COL9A3: variants seen among roughly 807,000 people sequenced by gnomAD.
COL9A3 encodes collagen alpha-3(IX) chain.
In COL9A3, 82 loss-of-function variants were observed where a neutral mutation model predicts 110.2. The ratio of observed to expected loss-of-function variants is 0.74; its 90% CI spans 0.62 to 0.89. The LOEUF (loss-of-function observed/expected upper bound fraction) is 0.89, where lower values mean the gene tolerates loss of function less well. Among genes scored for constraint, COL9A3 ranks in the 40% least tolerant of loss-of-function variants. The pLI is 0.00. For synonymous variants in COL9A3, 494 were observed against 403.8 expected (o/e 1.22, Z -2.68); for missense variants, 1,066 against 981.3 (o/e 1.09, Z -1.15).
In COL9A3 at chr20:62,828,957, A is replaced by G. The variant is rs1376059832; in HGVS notation, c.989A>G (p.Lys330Arg). The G allele has an allele frequency of 6.2e-7, 1 of 1,610,286 alleles. No homozygotes were observed. The change falls in exon 19 of 32, where the codon AAG (lysine) becomes AGG (arginine). Residue 330 changes from lysine to arginine, a missense_variant. Lys to Arg is a conservative substitution (Grantham distance 26, BLOSUM62 2). Coordinates refer to ENST00000649368, the MANE Select transcript of COL9A3 (RefSeq NM_001853.4). Reference sequence around the variant, plus strand: ...GGTCGCAACGGTGCTCCGGGAGAGAAGGGCCCCAACGGGCTGCCGGTGAGT... The same window carrying G: ...GGTCGCAACGGTGCTCCGGGAGAGAGGGGCCCCAACGGGCTGCCGGTGAGT... ...EAGRNGAPGE[K>R]GPNGLPGLPG...
chr20:62,825,824 C>A lies in COL9A3; in HGVS notation c.638C>A (p.Pro213His), dbSNP rs1215659292. Residue 213 changes from proline (P) to histidine (H), a missense_variant, in exon 13 of 32, where the codon CCT (proline) becomes CAT (histidine). Pro to His is a moderately conservative substitution (Grantham distance 77, BLOSUM62 -2). Coordinates refer to ENST00000649368, the MANE Select transcript of COL9A3 (RefSeq NM_001853.4). ...CTATCCCCTCTGTTTCAGGGTGACC[C>A]TGGCCCCCCTGGGCCCGCCGGCCTC... ...EVGKDGEKGDPGPPGPAGLPG... is the reference protein window; with the variant it reads ...EVGKDGEKGDHGPPGPAGLPG... The A allele has an allele frequency of 1.3e-6, 2 of 1,554,184 alleles. No homozygotes were observed. The highest frequency in any genetic ancestry group is 1.9e-5 in the Admixed American group (1 of 51,454).
At chr20:62,818,390 G>C in intron 2 of COL9A3, 128 bp from the exon 3 acceptor site, 1 of 895,572 alleles carries the variant, frequency 1.1e-6, no homozygotes, top group Non-Finnish European at 1.9e-6. Context: ...GGGCTCAGGG[G>C]CCCCTTTTGT....
Position 62,817,064 on chromosome 20 carries a change from C to A in COL9A3, c.-1C>A. 4 of 1,372,988 alleles carry A rather than the reference C, an allele frequency of 2.9e-6. No individual in the cohort carries two copies. The highest frequency in any genetic ancestry group is 1.5e-5 in the South Asian group (1 of 67,514). The allele number at this position is 1,372,988 out of a possible 1,614,324, so 85.1% of individuals were successfully genotyped here. A position where few individuals can be genotyped will look rare whatever the true frequency, so the allele number is the denominator to read the frequency against. On this transcript the variant is annotated 5_prime_UTR_variant, in exon 1 of 32. Transcript: ENST00000649368. ...CGCCGCAGCTCAGACTCCGCTCAGC[C>A]ATGGCCGGGCCGCGCGCGTGCGCCC...
At position 62,840,964 on chromosome 20, in the gene COL9A3, AAGG is replaced by A; in HGVS notation, c.*233_*235del. The A allele has an allele frequency of 1.8e-6, 1 of 561,804 alleles. No homozygotes were observed. Among genetic ancestry groups the A allele is most frequent in the African/African-American group, 1.9e-5 (1 of 52,980 alleles). The allele number at this position is 561,804 out of a possible 1,614,324, so 34.8% of individuals were successfully genotyped here. On this transcript the variant is annotated 3_prime_UTR_variant, in exon 32 of 32. Coordinates refer to ENST00000649368, the MANE Select transcript of COL9A3 (RefSeq NM_001853.4). ...AACCTGTAAGCCCAGCATTTGAGAG[AAGG>A]TAGGGTGTGTATATATAAAAGGTTG...
intron 29 of COL9A3, 42 bp downstream of exon 29, chr20:62,836,574 C>T (rs374930173): frequency 5.6e-5 from 86 of 1,537,442 alleles, no homozygotes; most frequent in Middle Eastern, 1.7e-4. Flanking sequence ...GGCCCATCCC[C>T]GCCTGGGGGT....
rs772665651 is a variant in COL9A3, at chr20:62,821,198, G to A, written c.327G>A (p.Pro109=). The A allele has an allele frequency of 7.4e-6, 12 of 1,613,236 alleles. No individual in the cohort carries two copies. The highest frequency in any genetic ancestry group is 1.7e-4 in the Middle Eastern group (1 of 6,058). Residue 109 remains proline (P), a synonymous_variant, in exon 6 of 32, where the codon CCG becomes CCA. Coordinates refer to ENST00000649368, the MANE Select transcript of COL9A3 (RefSeq NM_001853.4). ...APGERGSLGP[P]GPPGLGGKGL... is the part of the protein sequence containing the mutation. ...TCCCACAGGGAAGTCTGGGACCCCC[G>A]GGGCCGCCCGGGCTGGGGGTGAGTA...
intron 21 of COL9A3, 21 bp from the exon 22 acceptor site, chr20:62,829,745 C>T (rs776411887): frequency 6.3e-7 from 1 of 1,593,046 alleles, no homozygotes; most frequent in Non-Finnish European, 8.5e-7. Flanking sequence ...TGCCCTGACA[C>T]CCTCCTTCCT....
At position 62,826,252 on chromosome 20, in the gene COL9A3, G is replaced by T. The variant is rs569502735; in HGVS notation, c.733G>T (p.Asp245Tyr). Residue 245 changes from aspartate to tyrosine, a missense_variant, in exon 14 of 32, where the codon GAC (aspartate) becomes TAC (tyrosine). Transcript: ENST00000649368. ...GCCAGGGCCACTCGGGCCCCCTGGG[G>T]ACCGGGTAAGTCCTGCAGCCCCTAG... ...GLPGPLGPPGDRGPIGFRGPP... is the reference protein window; with the variant it reads ...GLPGPLGPPGYRGPIGFRGPP... 6 of 1,551,384 alleles carry T rather than the reference G, an allele frequency of 3.9e-6. No individual in the cohort carries two copies. In the African/African-American group the frequency reaches 8.2e-5, roughly 21 times the overall value.
At chr20:62,817,196 C>A in intron 1 of COL9A3, 54 bp downstream of exon 1, 1 of 1,242,260 alleles carries the variant, frequency 8.0e-7, no homozygotes, top group Non-Finnish European at 1.0e-6. Context: ...ACCGCCCCAG[C>A]CCCGAACCCG....
intron 9 of COL9A3, 49 bp from the exon 10 acceptor site, chr20:62,822,532 GGGTGGCTGCA>G: frequency 3.8e-6 from 5 of 1,319,266 alleles, no homozygotes; most frequent in Non-Finnish European, 5.1e-6. Flanking sequence ...TGGGTGGGTT[GGGTGGCTGCA>G]GGTGGCTGGG....
At chr20:62,832,741 A>T in intron 25 of COL9A3, 1 of 267,046 alleles carries the variant, frequency 3.7e-6, no homozygotes, top group East Asian at 2.4e-4. Context: ...ATACCGCTGG[A>T]GGGCCTGCAG....
chr20:62,827,344 A>C (rs549752126), intron 16 of COL9A3, 50 bp downstream of exon 16: 1 of 1,576,936 alleles, frequency 6.3e-7, no homozygotes, highest in Admixed American at 1.7e-5. Flanking sequence ...GAAGAACCCA[A>C]TTTCCCTCCT....
In COL9A3 at chr20:62,828,806, G is replaced by C. The variant is rs776778797; in HGVS notation, c.943G>C (p.Asp315His). 55 of 1,612,738 alleles carry C rather than the reference G, an allele frequency of 3.4e-5. No homozygotes were observed. The highest frequency in any genetic ancestry group is 4.5e-5 in the Non-Finnish European group (53 of 1,179,934). The part of the protein sequence containing the change: ...KDGQNGVPGL[D>H]GQKGEAGRNG... ...CGGCCAGAATGGCGTGCCAGGACTC[G>C]ATGGCCAGAAGGTTGGCATGGGGCT... The change falls in exon 18 of 32, where the codon GAT becomes CAT. Residue 315 changes from aspartate to histidine, a missense_variant. Asp to His is a moderately conservative substitution (Grantham distance 81). Coordinates refer to ENST00000649368, the MANE Select transcript of COL9A3 (RefSeq NM_001853.4).
chr20:62,826,602 A>C (rs1282134597), intron 14 of COL9A3, among the ~76,000 whole-genome samples, 165 bp from the exon 15 acceptor site: 1 of 152,134 alleles, frequency 6.6e-6, no homozygotes, highest in Non-Finnish European at 1.5e-5. Context: ...CCAGAGCAGG[A>C]GGGGAAGCAG....
intron 31 of COL9A3, among the ~76,000 whole-genome samples, chr20:62,839,137 AT>A (rs544138904): frequency 6.6e-6 from 1 of 152,080 alleles, no homozygotes; most frequent in Non-Finnish European, 1.5e-5. Flanking sequence ...AGACAAGAGA[AT>A]CGCTTGAACC....
At chr20:62,826,893 G>A (rs2063557412) in intron 15 of COL9A3, 73 bp downstream of exon 15, 13 of 1,529,272 alleles carry the variant, frequency 8.5e-6, no homozygotes, top group East Asian at 2.4e-5. Context: ...CCTCTCAGAC[G>A]CCCCCAGCCC....
rs747039261 is a variant in COL9A3, at chr20:62,836,265, C to A, written c.1480C>A (p.Pro494Thr). 1 of 1,613,540 alleles carries A rather than the reference C, an allele frequency of 6.2e-7. No homozygotes were observed. Among genetic ancestry groups the A allele is most frequent in the Middle Eastern group, 1.6e-4 (1 of 6,062 alleles). The change falls in exon 28 of 32, where the codon CCC becomes ACC. Residue 494 changes from proline to threonine, a missense_variant. Physicochemically the swap from Pro to Thr is conservative, Grantham distance 38 (BLOSUM62 -1). Coordinates refer to ENST00000649368, the MANE Select transcript of COL9A3 (RefSeq NM_001853.4). ...CAGCGGTGTTCAGGGTGTCCCCGGG[C>A]CCCCCGGTCCTCTGGGCCTGCAGGG... ...GTSGVQGVPG[P>T]PGPLGLQGVP...
chr20:62,832,922 CATT>C, intron 25 of COL9A3, 95 bp from the exon 26 acceptor site: 1 of 1,165,134 alleles, frequency 8.6e-7, no homozygotes, highest in East Asian at 2.3e-5. Context: ...TTAAGATGAA[CATT>C]ACACCTACGG....
At chr20:62,823,875 C>T (rs1010435847) in intron 10 of COL9A3, among the ~76,000 whole-genome samples, 7 of 152,264 alleles carry the variant, frequency 4.6e-5, no homozygotes, top group African/African-American at 1.7e-4. Flanking sequence ...CAGTGTCTGC[C>T]GTGGGGCCGG....
Sources: gnomAD v4.1 joint callset for allele counts (sites outside exome capture counted in the v4.1 genomes callset) on GRCh38, gnomAD v4.1.1 for gene constraint, MANE v1.5 for transcripts, NCBI Gene and HGNC (gene_info 2026-07-23, HGNC 2026-07-21) for gene names.